The following ZNF736 variants were observed in gnomAD, a reference collection of about 807,000 sequenced individuals.
The protein encoded by ZNF736 is KRAB-containing zinc-finger repressor protein.
In ZNF736, 6 loss-of-function variants were observed where a neutral mutation model predicts 11.7. The ratio of observed to expected loss-of-function variants is 0.51; its 90% CI spans 0.28 to 1.01. The LOEUF (loss-of-function observed/expected upper bound fraction) is 1.01, where lower values mean the gene tolerates loss of function less well. Ranked by LOEUF, ZNF736 falls within the 50% of genes least tolerant of loss-of-function variation. The probability of loss-of-function intolerance (pLI) is 0.09; values close to 1 mark genes in which losing one functional copy is unlikely to be tolerated. For missense variants in ZNF736, 444 were observed against 496.0 expected (o/e 0.90, Z 1.00); for synonymous variants, 139 against 164.7 (o/e 0.84, Z 1.19).
At chr7:64,324,231 G>A (rs1288901261) in intron 1 of ZNF736, among the ~76,000 whole-genome samples, 1 of 152,086 alleles carries the variant, frequency 6.6e-6, no homozygotes, top group Non-Finnish European at 1.5e-5. Flanking sequence ...AAAGAAAATG[G>A]AGTTGTTTTG....
At position 64,331,821 on chromosome 7, in the gene ZNF736, T is replaced by C. The variant is rs145552763; in HGVS notation, c.4-4438T>C. On this transcript the variant is annotated intron_variant, in intron 1 of 3. Coordinates refer to ENST00000423484, the MANE Select transcript of ZNF736 (RefSeq NM_001170905.3). ...CAGGTCAGTGTGGCCCATATTCCCA[T>C]TGCTGCAGTAGAAATTTCTGGCATC... Among the ~76,000 whole-genome samples the C allele has an allele frequency of 5.6e-3, 850 of 152,288 alleles. 14 individuals carry two copies. The highest frequency in any genetic ancestry group is 0.019 in the African/African-American group (790 of 41,564).
chr7:64,327,834 A>G (rs2115897620), intron 1 of ZNF736, among the ~76,000 whole-genome samples: 1 of 152,338 alleles, frequency 6.6e-6, no homozygotes, highest in Non-Finnish European at 1.5e-5. Context: ...GAAAACTAAT[A>G]AAAGCTACAG....
At chr7:64,345,831 G>A (rs1016242295) in intron 3 of ZNF736, among the ~76,000 whole-genome samples, 1 of 150,934 alleles carries the variant, frequency 6.6e-6, no homozygotes, top group South Asian at 2.1e-4. Context: ...ATTCCATTTG[G>A]ACCATAAATA....
chr7:64,319,341 A>G (rs1484196990), intron 1 of ZNF736, among the ~76,000 whole-genome samples: 10,527 of 81,660 alleles, frequency 0.13, 1,026 homozygotes, highest in African/African-American at 0.21. Flanking sequence ...GTGTATATAT[A>G]TATATATATA....
rs2115991550 is a variant in ZNF736 at position 64,354,509 on chromosome 7, T to C, written c.*5362T>C. ...CTCTGCTGTGTATTAAATTCATTTA[T>C]CTAAAATGTTATTGCTCCTGGCTTA... On this transcript the variant is annotated 3_prime_UTR_variant, in exon 4 of 4. Transcript: ENST00000423484. 1 of 152,238 alleles carries C rather than the reference T, an allele frequency of 6.6e-6. No individual in the cohort carries two copies. Among genetic ancestry groups the C allele is most frequent in the East Asian group, 1.9e-4 (1 of 5,182 alleles). 9.4% of individuals were successfully genotyped at this position (152,238 alleles called of 1,614,324 possible). A position where few individuals can be genotyped will look rare whatever the true frequency, so the allele number is the denominator to read the frequency against.
intron 3 of ZNF736, 135 bp from the exon 4 acceptor site, chr7:64,347,955 T>A (rs1046947202): frequency 2.5e-5 from 21 of 842,508 alleles, no homozygotes; most frequent in Non-Finnish European, 3.1e-5. Flanking sequence ...ATATTTCTGT[T>A]AGGTTTATAT....
intron 1 of ZNF736, among the ~76,000 whole-genome samples, chr7:64,328,254 G>GGT (rs543331282): frequency 6.8e-5 from 10 of 147,416 alleles, no homozygotes; most frequent in Non-Finnish European, 1.3e-4. Context: ...AGTTGTTTTT[G>GGT]TTTTTTTTTT....
At position 64,353,357 on chromosome 7, in the gene ZNF736, G is replaced by T. The variant is rs1449061073; in HGVS notation, c.*4210G>T. 2.0e-5 allele frequency: 3 copies of T among 152,206 alleles called. No individual in the cohort carries two copies. Among genetic ancestry groups the T allele is most frequent in the Non-Finnish European group, 2.9e-5 (2 of 68,040 alleles). 9.4% of individuals were successfully genotyped at this position (152,206 alleles called of 1,614,324 possible). A position where few individuals can be genotyped will look rare whatever the true frequency, so the allele number is the denominator to read the frequency against. On this transcript the variant is annotated 3_prime_UTR_variant, in exon 4 of 4. Coordinates refer to ENST00000423484, the MANE Select transcript of ZNF736 (RefSeq NM_001170905.3). ...ATGCAAGTACCTGGATGTTTCAGTT[G>T]CAGGTGCTGTATTTATGTATACCTT...
At chr7:64,332,306 A>G (rs1164220700) in intron 1 of ZNF736, among the ~76,000 whole-genome samples, 4 of 152,172 alleles carry the variant, frequency 2.6e-5, no homozygotes, top group Non-Finnish European at 4.4e-5. Context: ...GAATTTTACT[A>G]GGCCACCAGG....
At chr7:64,338,714 C>A (rs960025372) in intron 3 of ZNF736, among the ~76,000 whole-genome samples, 1 of 134,530 alleles carries the variant, frequency 7.4e-6, no homozygotes, top group African/African-American at 3.1e-5. Flanking sequence ...TGTATACATG[C>A]CATGTTTTTT....
Position 64,350,409 on chromosome 7 carries a change from C to T in ZNF736, c.*1262C>T, listed in dbSNP as rs1789469716. 6.6e-6 allele frequency: 1 copy of T among 152,166 alleles called. No homozygotes were observed. The highest frequency in any genetic ancestry group is 2.4e-5 in the African/African-American group (1 of 41,438). 9.4% of individuals were successfully genotyped at this position (152,166 alleles called of 1,614,324 possible). A position where few individuals can be genotyped will look rare whatever the true frequency, so the allele number is the denominator to read the frequency against. On this transcript the variant is annotated 3_prime_UTR_variant, in exon 4 of 4. Coordinates refer to ENST00000423484, the MANE Select transcript of ZNF736 (RefSeq NM_001170905.3). ...GTGTTTTTCAGTTCTATCAGGTTGG[C>T]CACATTTTTTCTCCAGACTGGCTGT...
rs757931249 is a variant in ZNF736, at chr7:64,353,778, A to G, written c.*4631A>G. ...GATCAGGATAATAATCTGCTTAGTAAGAGAAACAATTTGAATTTTAGAAGG... is the reference window on the plus strand; with the variant it reads ...GATCAGGATAATAATCTGCTTAGTAGGAGAAACAATTTGAATTTTAGAAGG... On this transcript the variant is annotated 3_prime_UTR_variant, in exon 4 of 4. Coordinates refer to ENST00000423484, the MANE Select transcript of ZNF736 (RefSeq NM_001170905.3). 2 of 152,252 alleles carry G rather than the reference A, an allele frequency of 1.3e-5. No individual in the cohort carries two copies. The highest frequency in any genetic ancestry group is 2.4e-5 in the African/African-American group (1 of 41,460). 9.4% of individuals were successfully genotyped at this position (152,252 alleles called of 1,614,324 possible).
rs1789528848 is a variant in ZNF736, at chr7:64,354,443, C to A, written c.*5296C>A. On this transcript the variant is annotated 3_prime_UTR_variant, in exon 4 of 4. Coordinates refer to ENST00000423484, the MANE Select transcript of ZNF736 (RefSeq NM_001170905.3). The stretch of plus-strand genomic sequence containing the variant: ...TTTACAAGTGTTGATCACTTACCAG[C>A]AAACCAGAAACTTCAGAGATTTTGA... The A allele has an allele frequency of 2.6e-5, 4 of 152,250 alleles. No individual in the cohort carries two copies. The South Asian group carries it at 8.3e-4, about 32-fold the overall frequency. The allele number at this position is 152,250 out of a possible 1,614,324, so 9.4% of individuals were successfully genotyped here. A position where few individuals can be genotyped will look rare whatever the true frequency, so the allele number is the denominator to read the frequency against.
At chr7:64,341,387 G>C (rs750782321) in intron 3 of ZNF736, among the ~76,000 whole-genome samples, 1 of 151,810 alleles carries the variant, frequency 6.6e-6, no homozygotes, top group East Asian at 1.9e-4. Flanking sequence ...AATATTTAAA[G>C]ACTTGCTTAA....
At chr7:64,318,905 G>C (rs1320116498) in intron 1 of ZNF736, among the ~76,000 whole-genome samples, 2 of 152,126 alleles carry the variant, frequency 1.3e-5, no homozygotes, top group Non-Finnish European at 2.9e-5. Flanking sequence ...GGCTTCATGA[G>C]GAAAAACAGA....
intron 1 of ZNF736, among the ~76,000 whole-genome samples, chr7:64,325,281 G>T (rs1789068260): frequency 6.6e-6 from 1 of 152,130 alleles, no homozygotes; most frequent in Non-Finnish European, 1.5e-5. Flanking sequence ...TTCGCCTGTA[G>T]AAATAAGAAC....
intron 1 of ZNF736, among the ~76,000 whole-genome samples, chr7:64,322,931 A>G (rs1183538677): frequency 1.3e-5 from 2 of 152,212 alleles, no homozygotes; most frequent in Non-Finnish European, 1.5e-5. Flanking sequence ...GTCACTCTCT[A>G]TTACTTAATT....
At chr7:64,330,601 C>T (rs1161033519) in intron 1 of ZNF736, among the ~76,000 whole-genome samples, 2 of 152,072 alleles carry the variant, frequency 1.3e-5, no homozygotes, top group Non-Finnish European at 2.9e-5. Flanking sequence ...GACAAAGTCC[C>T]TTCTTCCCTC....
At chr7:64,319,366 T>TATATAC (rs1554303200) in intron 1 of ZNF736, among the ~76,000 whole-genome samples, 10 of 133,234 alleles carry the variant, frequency 7.5e-5, no homozygotes, top group African/African-American at 2.6e-4. Context: ...TATATATATA[T>TATATAC]ATATATATAT....
Sources: gnomAD v4.1 joint callset for allele counts (sites outside exome capture counted in the v4.1 genomes callset) on GRCh38, gnomAD v4.1.1 for gene constraint, MANE v1.5 for transcripts, NCBI Gene and HGNC (gene_info 2026-07-23, HGNC 2026-07-21) for gene names.